Variants in PAGE4 observed in about 807,000 individuals in gnomAD.
The protein encoded by PAGE4 is P antigen family member 4.
Under a neutral mutation model 8.5 loss-of-function variants are expected in PAGE4, and 1 was observed. The ratio of observed to expected loss-of-function variants is 0.12; its 90% CI spans 0.04 to 0.56. PAGE4 has a LOEUF of 0.56. Ranked by LOEUF, PAGE4 falls within the 20% of genes least tolerant of loss-of-function variation. The pLI, the probability that PAGE4 is intolerant of heterozygous loss-of-function variation, is 0.91. For synonymous variants in PAGE4, 26 were observed against 26.3 expected (o/e 0.99, Z 0.04); for missense variants, 93 against 82.7 (o/e 1.13, Z -0.49).
intron 1 of PAGE4, chrX:49,829,999 A>C (rs1270737835): frequency 8.8e-6 from 1 of 113,041 alleles, no homozygotes; most frequent in African/African-American, 3.3e-5. Context: ...AGATGGAGCA[A>C]AACTTGGGGG....
Position 49,831,000 on chromosome X carries a change from G to C in PAGE4, c.82G>C (p.Gly28Arg). 8.5e-7 allele frequency: 1 copy of C among 1,183,128 alleles called. No individual in the cohort carries two copies. The highest frequency in any genetic ancestry group is 1.9e-5 in the South Asian group (1 of 53,401). The change falls in exon 3 of 5, where the codon GGT (glycine) becomes CGT (arginine). Residue 28 changes from glycine to arginine, a missense_variant. Physicochemically the swap from Gly to Arg is moderately radical, Grantham distance 125. Transcript: ENST00000218068. The part of the protein sequence containing the change: ...APDVVAFVAP[G>R]ESQQEEPPTD... ...ACTCTCCCCCACCTCTCAAAAGCCCGGTGAATCTCAGCAAGAGGAACCACC... is the reference window on the plus strand; with the variant it reads ...ACTCTCCCCCACCTCTCAAAAGCCCCGTGAATCTCAGCAAGAGGAACCACC...
At chrX:49,830,793 G>A (rs978775260) in intron 2 of PAGE4, 91 of 434,120 alleles carry the variant, frequency 2.1e-4, no homozygotes, top group Non-Finnish European at 3.2e-4. Context: ...CAGAATTATT[G>A]GTCCTTGCAG....
chrX:49,834,132 C>T lies in PAGE4; in HGVS notation c.*270C>T, dbSNP rs1923557292. ...ACTTGCCTATTCTGTTGGTTTATCCCTACGTCCTTTTGGATTTTCTCCATA... is the reference window on the plus strand; with the variant it reads ...ACTTGCCTATTCTGTTGGTTTATCCTTACGTCCTTTTGGATTTTCTCCATA... On this transcript the variant is annotated 3_prime_UTR_variant, in exon 5 of 5. Transcript: ENST00000218068. Among the ~76,000 whole-genome samples the T allele has an allele frequency of 8.9e-6, 1 of 111,757 alleles. No homozygotes were observed. Among genetic ancestry groups the T allele is most frequent in the African/African-American group, 3.2e-5 (1 of 30,818 alleles).
chrX:49,832,263 A>G (rs1923499153), intron 3 of PAGE4, among the ~76,000 whole-genome samples: 1 of 112,014 alleles, frequency 8.9e-6, no homozygotes, highest in East Asian at 2.8e-4. Context: ...ATGTAAACAA[A>G]TAACTGCTGT....
rs1022930258 is a variant in PAGE4, at chrX:49,831,090, A to G, written c.166+6A>G. Reference sequence around the variant, plus strand: ...AGGAACACCTCCGATCGAAGGTGAGAAGGGCATGGAGGAGCATTTTGTGTT... The same window carrying G: ...AGGAACACCTCCGATCGAAGGTGAGGAGGGCATGGAGGAGCATTTTGTGTT... On this transcript the variant is annotated splice_donor_region_variant and intron_variant, in intron 3 of 4. Transcript: ENST00000218068. 2 of 1,105,547 alleles carry G rather than the reference A, an allele frequency of 1.8e-6. No homozygotes were observed. The highest frequency in any genetic ancestry group is 1.2e-6 in the Non-Finnish European group (1 of 811,665). The allele number at this position is 1,105,547 out of a possible 1,213,427, so 91.1% of individuals were successfully genotyped here. A position where few individuals can be genotyped will look rare whatever the true frequency, so the allele number is the denominator to read the frequency against.
At chrX:49,832,902 T>C (rs1923520618) in intron 4 of PAGE4, among the ~76,000 whole-genome samples, 1 of 111,799 alleles carries the variant, frequency 8.9e-6, no homozygotes, top group Non-Finnish European at 1.9e-5. Context: ...TTTAAAAGTA[T>C]ATACATTACT....
intron 3 of PAGE4, among the ~76,000 whole-genome samples, chrX:49,831,778 C>G (rs1557156636): frequency 8.9e-6 from 1 of 111,832 alleles, no homozygotes; most frequent in Non-Finnish European, 1.9e-5. Flanking sequence ...AATATCACAA[C>G]TGTTTACTCT....
At position 49,833,898 on chromosome X, in the gene PAGE4, CTGA is replaced by C; in HGVS notation, c.*39_*41del. On this transcript the variant is annotated 3_prime_UTR_variant, in exon 5 of 5. Coordinates refer to ENST00000218068, the MANE Select transcript of PAGE4 (RefSeq NM_007003.4). ...AGACAAGCTGAAGCTACACACATGGCTGATGTCACATTGAAAATGTGACTGAAA... is the reference window on the plus strand; with the variant it reads ...AGACAAGCTGAAGCTACACACATGGCTGTCACATTGAAAATGTGACTGAAA... 1 of 1,089,391 alleles carries C rather than the reference CTGA, an allele frequency of 9.2e-7. No homozygotes were observed. The highest frequency in any genetic ancestry group is 1.3e-6 in the Non-Finnish European group (1 of 795,341). 89.8% of individuals were successfully genotyped at this position (1,089,391 alleles called of 1,213,427 possible). A position where few individuals can be genotyped will look rare whatever the true frequency, so the allele number is the denominator to read the frequency against.
At chrX:49,832,413 A>G (rs782628538) in intron 3 of PAGE4, 112 bp from the exon 4 acceptor site, 11 of 472,569 alleles carry the variant, frequency 2.3e-5, no homozygotes, top group Non-Finnish European at 3.8e-5. Context: ...TCCAATGCCC[A>G]TTGCACTCAT....
intron 4 of PAGE4, 29 bp downstream of exon 4, chrX:49,832,679 T>C (rs782437882): frequency 5.2e-6 from 6 of 1,154,926 alleles, no homozygotes; most frequent in African/African-American, 1.8e-5. Context: ...ATGGAAGTCA[T>C]GGGGTTACTC....
Position 49,831,080 on chromosome X carries a change from C to G in PAGE4, c.162C>G (p.Ile54Met). ...AAGAGAGAGAAGGAACACCTCCGAT[C>G]GAAGGTGAGAAGGGCATGGAGGAGC... ...PGQEREGTPP[I>M]EERKVEGDCQ... The change falls in exon 3 of 5, where the codon ATC becomes ATG. Residue 54 changes from isoleucine to methionine, a missense_variant. Coordinates refer to ENST00000218068, the MANE Select transcript of PAGE4 (RefSeq NM_007003.4). The G allele has an allele frequency of 1.7e-6, 2 of 1,155,027 alleles. No homozygotes were observed.
chrX:49,833,168 T>C (rs1923529683), intron 4 of PAGE4, among the ~76,000 whole-genome samples: 1 of 111,777 alleles, frequency 8.9e-6, no homozygotes, highest in Non-Finnish European at 1.9e-5. Flanking sequence ...AGACCATGTA[T>C]ATATTTTTTA....
intron 4 of PAGE4, 55 bp from the exon 5 acceptor site, chrX:49,833,791 C>T: frequency 1.1e-6 from 1 of 941,172 alleles, no homozygotes; most frequent in Non-Finnish European, 1.5e-6. Context: ...CTTTTAGTGT[C>T]ATCTCAGTAA....
At chrX:49,830,545 T>A in intron 2 of PAGE4, 39 bp downstream of exon 2, 1 of 943,597 alleles carries the variant, frequency 1.1e-6, no homozygotes, top group Non-Finnish European at 1.5e-6. Context: ...TTGGCAGAAA[T>A]GTATTTTTCT....
At chrX:49,830,832 G>A in intron 2 of PAGE4, 165 bp from the exon 3 acceptor site, 1 of 459,158 alleles carries the variant, frequency 2.2e-6, no homozygotes, top group Non-Finnish European at 3.8e-6. Context: ...TTCTATATAG[G>A]AAGAATAACT....
chrX:49,830,366 A>G, intron 1 of PAGE4, 33 bp from the exon 2 acceptor site: 2 of 746,237 alleles, frequency 2.7e-6, no homozygotes, highest in Non-Finnish European at 3.9e-6. Flanking sequence ...GGCCATGGAA[A>G]GAGTCAAGTA....
Position 49,831,035 on chromosome X carries a change from T to C in PAGE4, c.117T>C (p.Asn39=). 1 of 1,194,538 alleles carries C rather than the reference T, an allele frequency of 8.4e-7. No individual in the cohort carries two copies. The highest frequency in any genetic ancestry group is 1.1e-6 in the Non-Finnish European group (1 of 886,595). ...ESQQEEPPTD[N]QDIEPGQERE... ...AGCAAGAGGAACCACCAACTGACAA[T>C]CAGGATATTGAACCTGGACAAGAGA... Residue 39 remains asparagine, a synonymous_variant, in exon 3 of 5, where the codon AAT becomes AAC. Transcript: ENST00000218068.
At chrX:49,833,089 T>A (rs1923526995) in intron 4 of PAGE4, among the ~76,000 whole-genome samples, 1 of 112,203 alleles carries the variant, frequency 8.9e-6, no homozygotes, top group Non-Finnish European at 1.9e-5. Context: ...TGAGCTAGAC[T>A]GAGAAACAGT....
At chrX:49,829,383 G>A (rs1557156223) in intron 1 of PAGE4, 32 bp downstream of exon 1, 1 of 112,375 alleles carries the variant, frequency 8.9e-6, no homozygotes, top group African/African-American at 3.2e-5. Flanking sequence ...TGAGTGGGCC[G>A]GCGGGCTTCT....
Sources: allele counts gnomAD v4.1 joint callset (sites outside exome capture counted in the v4.1 genomes callset), GRCh38; gene constraint gnomAD v4.1.1; transcripts MANE v1.5; gene names NCBI Gene and HGNC (gene_info 2026-07-23, HGNC 2026-07-21).